GBE1: variants seen among roughly 807,000 people sequenced by gnomAD.
The protein encoded by GBE1 is 1,4-alpha-glucan branching enzyme 1.
In GBE1, 70 loss-of-function variants were observed where a neutral mutation model predicts 88.8. The observed-to-expected ratio is 0.79, with a 90% CI of 0.65 to 0.96. GBE1 has a LOEUF of 0.96. GBE1 is among the 40% of genes least tolerant of loss of function. GBE1 has a pLI of 0.00. For missense variants in GBE1, 872 were observed against 871.0 expected, an observed-to-expected ratio of 1.00 and a Z score of -0.01; for synonymous variants, 284 against 300.1, an observed-to-expected ratio of 0.95 and a Z score of 0.56.
At position 81,616,347 on chromosome 3, in the gene GBE1, G is replaced by C. The variant is rs376713190; in HGVS notation, c.993-22324C>G. Among the ~76,000 whole-genome samples the C allele has an allele frequency of 2.0e-5, 3 of 152,012 alleles. No individual in the cohort carries two copies. In the East Asian group the frequency reaches 5.8e-4, roughly 29 times the overall value. On this transcript the variant is annotated intron_variant, in intron 7 of 15. Coordinates refer to ENST00000429644, the MANE Select transcript of GBE1 (RefSeq NM_000158.4). ...TTTTTCTAACATTTTCACATTTTAC[G>C]TGTTAATCTATAATCTATTTTAGTA...
At chr3:81,527,323 G>C (rs1276288264) in intron 14 of GBE1, among the ~76,000 whole-genome samples, 1 of 152,114 alleles carries the variant, frequency 6.6e-6, no homozygotes, top group East Asian at 1.9e-4. Context: ...AGGACTTCAT[G>C]TCTAAAACAC....
At chr3:81,747,488 C>CT (rs1310367809) in intron 1 of GBE1, among the ~76,000 whole-genome samples, 2 of 152,198 alleles carry the variant, frequency 1.3e-5, no homozygotes, top group Non-Finnish European at 2.9e-5. Flanking sequence ...GGAGACCACA[C>CT]TAGCCAACAT....
rs765211671 is a variant in GBE1 at position 81,761,570 on chromosome 3, C to A, written c.-53G>T. 4.5e-6 allele frequency: 7 copies of A among 1,556,964 alleles called. No individual in the cohort carries two copies. Among genetic ancestry groups the A allele is most frequent in the Non-Finnish European group, 6.1e-6 (7 of 1,153,962 alleles). ...CCCGAGAGGTCGAGTGGGGCCTGAG[C>A]GGGCGCTGGAGCTCTAGCTGGGACG... On this transcript the variant is annotated 5_prime_UTR_variant, in exon 1 of 16. Coordinates refer to ENST00000429644, the MANE Select transcript of GBE1 (RefSeq NM_000158.4).
intron 7 of GBE1, among the ~76,000 whole-genome samples, chr3:81,609,557 G>C (rs562684673): frequency 6.6e-6 from 1 of 151,902 alleles, no homozygotes; most frequent in African/African-American, 2.4e-5. Context: ...GGATTTTGGG[G>C]GTTTTTTTTT....
At chr3:81,644,708 A>G (rs1704740822) in intron 6 of GBE1, among the ~76,000 whole-genome samples, 1 of 152,178 alleles carries the variant, frequency 6.6e-6, no homozygotes, top group Non-Finnish European at 1.5e-5. Flanking sequence ...TAATTGGTAG[A>G]ACAAAGGTAA....
chr3:81,532,748 A>G (rs114842843), intron 14 of GBE1, among the ~76,000 whole-genome samples: 1,709 of 152,184 alleles, frequency 0.011, 31 homozygotes, highest in African/African-American at 0.038. Context: ...ATCTGTTTTC[A>G]GCTTTATCTC....
intron 12 of GBE1, among the ~76,000 whole-genome samples, chr3:81,538,239 TAATA>T (rs1344363118): frequency 1.3e-5 from 2 of 151,974 alleles, no homozygotes; most frequent in African/African-American, 4.8e-5. Context: ...ATTAATATTA[TAATA>T]AATAAAAACT....
chr3:81,531,642 T>C (rs1452747437), intron 14 of GBE1, among the ~76,000 whole-genome samples: 3 of 151,698 alleles, frequency 2.0e-5, no homozygotes, highest in African/African-American at 7.3e-5. Flanking sequence ...GAGCCTGAAA[T>C]AGGGGCTTCA....
intron 7 of GBE1, among the ~76,000 whole-genome samples, chr3:81,609,391 C>T (rs1704143051): frequency 6.6e-6 from 1 of 152,090 alleles, no homozygotes; most frequent in African/African-American, 2.4e-5. Flanking sequence ...GAACATTGGT[C>T]TACATCTGTC....
At position 81,501,870 on chromosome 3, in the gene GBE1, T is replaced by C. The variant is rs535388349; in HGVS notation, c.1935-2643A>G. On this transcript the variant is annotated intron_variant, in intron 14 of 15. Coordinates refer to ENST00000429644, the MANE Select transcript of GBE1 (RefSeq NM_000158.4). ...AGACACATGCCACCAGACTGATTTTTATATTTTTCGTAGAGATGGGGTTTC... is the reference window on the plus strand; with the variant it reads ...AGACACATGCCACCAGACTGATTTTCATATTTTTCGTAGAGATGGGGTTTC... Among the ~76,000 whole-genome samples the C allele has an allele frequency of 2.4e-4, 36 of 151,692 alleles. 1 individual carries two copies. Among genetic ancestry groups the C allele is most frequent in the African/African-American group, 8.0e-4 (33 of 41,386 alleles).
At chr3:81,702,889 A>G (rs1705721032) in intron 2 of GBE1, among the ~76,000 whole-genome samples, 1 of 152,214 alleles carries the variant, frequency 6.6e-6, no homozygotes, top group East Asian at 1.9e-4. Context: ...GCAACTTTTA[A>G]TAAATGAGCA....
chr3:81,612,806 T>C (rs925085145), intron 7 of GBE1: 24 of 430,876 alleles, frequency 5.6e-5, no homozygotes, highest in African/African-American at 4.9e-4. Context: ...AGAGCTTCTT[T>C]ACCTGATTTG....
chr3:81,496,180 G>A (rs1257901669), intron 15 of GBE1, among the ~76,000 whole-genome samples: 1 of 152,224 alleles, frequency 6.6e-6, no homozygotes, highest in East Asian at 1.9e-4. Context: ...ATAACTGCCA[G>A]TAAAGCAGAC....
intron 7 of GBE1, among the ~76,000 whole-genome samples, chr3:81,622,260 A>G (rs1282289191): frequency 2.0e-5 from 3 of 152,152 alleles, no homozygotes; most frequent in Non-Finnish European, 4.4e-5. Context: ...TGCTAAATCA[A>G]TGGCCAATTC....
At position 81,711,798 on chromosome 3, in the gene GBE1, G is replaced by A. The variant is rs537248844; in HGVS notation, c.144-6185C>T. ...AGCAATGGCAACAGAAGCCGAAATC[G>A]ACAAATGGGATCTAATTAAACTAAA... On this transcript the variant is annotated intron_variant, in intron 1 of 15. Transcript: ENST00000429644. Among the ~76,000 whole-genome samples the A allele has an allele frequency of 4.6e-3, 696 of 152,166 alleles. 5 individuals are homozygous for A. Among genetic ancestry groups the A allele is most frequent in the Non-Finnish European group, 8.3e-3 (562 of 68,012 alleles).
intron 7 of GBE1, among the ~76,000 whole-genome samples, chr3:81,641,158 A>C (rs1202419056): frequency 1.3e-5 from 2 of 152,160 alleles, no homozygotes; most frequent in East Asian, 3.8e-4. Context: ...ATAATTCTAC[A>C]GAAGAATTGT....
chr3:81,560,261 G>A (rs1703399398), intron 12 of GBE1, among the ~76,000 whole-genome samples: 1 of 151,876 alleles, frequency 6.6e-6, no homozygotes, highest in Non-Finnish European at 1.5e-5. Flanking sequence ...AATTTCAAAT[G>A]TGGAGAAAGT....
intron 1 of GBE1, among the ~76,000 whole-genome samples, chr3:81,749,114 C>G (rs1290642988): frequency 2.0e-5 from 3 of 151,902 alleles, no homozygotes; most frequent in Non-Finnish European, 4.4e-5. Flanking sequence ...GCATTTATCT[C>G]AGAGAAATAA....
At chr3:81,622,662 A>G (rs1704348980) in intron 7 of GBE1, among the ~76,000 whole-genome samples, 1 of 151,958 alleles carries the variant, frequency 6.6e-6, no homozygotes, top group Non-Finnish European at 1.5e-5. Flanking sequence ...TCCAAAACTA[A>G]CCTCTTGATT....
Sources: allele counts gnomAD v4.1 joint callset (sites outside exome capture counted in the v4.1 genomes callset), GRCh38; gene constraint gnomAD v4.1.1; transcripts MANE v1.5; gene names NCBI Gene and HGNC (gene_info 2026-07-23, HGNC 2026-07-21).